STXBP2: variants seen among roughly 807,000 people sequenced by gnomAD.
The protein encoded by STXBP2 is syntaxin binding protein 2.
STXBP2 carries 47 observed loss-of-function variants against 72.2 expected under a neutral mutation model. The ratio of observed to expected loss-of-function variants is 0.65; its 90% CI spans 0.51 to 0.83. The LOEUF (loss-of-function observed/expected upper bound fraction) is 0.83, where lower values mean the gene tolerates loss of function less well. Ranked by LOEUF, STXBP2 falls within the 40% of genes least tolerant of loss-of-function variation. STXBP2 has a pLI of 0.00. For missense variants in STXBP2, 702 were observed against 807.6 expected (o/e 0.87, Z 1.58); for synonymous variants, 367 against 338.7 (o/e 1.08, Z -0.92).
chr19:7,640,557 T>G (rs2031822782), intron 4 of STXBP2, 174 bp from the exon 5 acceptor site: 2 of 754,070 alleles, frequency 2.7e-6, no homozygotes, highest in South Asian at 2.9e-5. Flanking sequence ...CGTGCATCTG[T>G]GTGTGTGCGC....
chr19:7,632,488 G>T (rs752525451), upstream of STXBP2: 2 of 1,613,626 alleles, frequency 1.2e-6, no homozygotes, highest in Middle Eastern at 1.6e-4. The surrounding 1 kb of genome is among the most constrained non-coding windows in gnomAD (Gnocchi z 5.2). Flanking sequence ...ATGTCCATGA[G>T]GCTGTCCATC....
rs116823179 is a variant in STXBP2 at position 7,647,079 on chromosome 19, C to T, written c.1453-83C>T. On this transcript the variant is annotated intron_variant, in intron 16 of 18. Coordinates refer to ENST00000221283, the MANE Select transcript of STXBP2 (RefSeq NM_006949.4). Reference sequence around the variant, plus strand: ...TGGTTCCTGTCTGCCAGGATCTTGGCCCCTGAATACCCCGTGGGGGGCACT... The same window carrying T: ...TGGTTCCTGTCTGCCAGGATCTTGGTCCCTGAATACCCCGTGGGGGGCACT... 1.6e-3 allele frequency: 2,293 copies of T among 1,439,528 alleles called. 28 individuals are homozygous for T. In the African/African-American group the frequency reaches 0.028, roughly 17 times the overall value. The allele number at this position is 1,439,528 out of a possible 1,614,324, so 89.2% of individuals were successfully genotyped here. A position where few individuals can be genotyped will look rare whatever the true frequency, so the allele number is the denominator to read the frequency against.
chr19:7,629,832 A>C, the STXBP2 span: 4 of 1,536,436 alleles, frequency 2.6e-6, no homozygotes, highest in African/African-American at 5.5e-5. Flanking sequence ...GGGAGAAACG[A>C]GATGGGGGTG....
chr19:7,641,933 G>A (rs2031900549), intron 7 of STXBP2, 80 bp downstream of exon 7: 6 of 1,533,744 alleles, frequency 3.9e-6, no homozygotes, highest in Non-Finnish European at 5.3e-6. Flanking sequence ...CCTCTCTTGT[G>A]ACCCCAGCCC....
chr19:7,630,251 TG>T, the STXBP2 span: 1 of 453,106 alleles, frequency 2.2e-6, no homozygotes, highest in Non-Finnish European at 3.9e-6. Flanking sequence ...GGTTTGGGGG[TG>T]CTCCCGGGAT....
At chr19:7,631,831 CA>C in the STXBP2 span, 1 of 1,382,128 alleles carries the variant, frequency 7.2e-7, no homozygotes. Context: ...AGGGGTCAGC[CA>C]GGGGGAGGGC....
In STXBP2 at chr19:7,647,746, C is replaced by T. The variant is rs768637937; in HGVS notation, c.1718C>T (p.Pro573Leu). Residue 573 changes from proline to leucine, a missense_variant, in exon 19 of 19, where the codon CCG becomes CTG. Pro to Leu is a moderately conservative substitution (Grantham distance 98, BLOSUM62 -3). Transcript: ENST00000221283. ...ACAGGCTCCTCACACATCCTCACCC[C>T]GACCCGCTTCCTGGATGACCTGAAG... The part of the protein sequence containing the change: ...VLIGSSHILT[P>L]TRFLDDLKAL... The T allele has an allele frequency of 7.4e-6, 12 of 1,614,014 alleles. No homozygotes were observed. The highest frequency in any genetic ancestry group is 3.3e-5 in the South Asian group (3 of 91,094).
chr19:7,639,633 C>A (rs1218391773), intron 3 of STXBP2, 98 bp from the exon 4 acceptor site: 4 of 1,119,578 alleles, frequency 3.6e-6, no homozygotes, highest in Non-Finnish European at 5.3e-6. Flanking sequence ...TAAGCATCCA[C>A]CCCTCCTCCC....
intron 7 of STXBP2, 23 bp downstream of exon 7, chr19:7,641,876 C>T: frequency 6.4e-7 from 1 of 1,552,658 alleles, no homozygotes; most frequent in Non-Finnish European, 8.7e-7. Context: ...CCCAGCCCCA[C>T]CCCGATGCCG....
upstream of STXBP2, chr19:7,633,089 T>C: frequency 1.7e-6 from 2 of 1,196,676 alleles, no homozygotes; most frequent in Non-Finnish European, 2.3e-6. Flanking sequence ...CAGGCTCCGA[T>C]GCGTGTCCCG....
At chr19:7,641,400 G>C (rs1023715684) in intron 6 of STXBP2, among the ~76,000 whole-genome samples, 1 of 152,220 alleles carries the variant, frequency 6.6e-6, no homozygotes, top group Middle Eastern at 3.4e-3. Flanking sequence ...ATTTTAAAAA[G>C]GGGAGGTACC....
the STXBP2 span, chr19:7,630,025 T>C: frequency 1.7e-6 from 1 of 585,010 alleles, no homozygotes; most frequent in Non-Finnish European, 2.4e-6. Flanking sequence ...GAGGGGACGC[T>C]GGGCTGGGGG....
upstream of STXBP2, among the ~76,000 whole-genome samples, chr19:7,635,514 G>A (rs903048175): frequency 5.9e-5 from 9 of 152,088 alleles, no homozygotes; most frequent in Non-Finnish European, 1.2e-4. Flanking sequence ...GGGCAACATA[G>A]GGAGATCCTG....
In STXBP2 at chr19:7,647,687, C is replaced by T. The variant is rs977302290; in HGVS notation, c.1697-38C>T. Reference sequence around the variant, plus strand: ...GAGCCTGTCAAAGACGAAGGCAGCGCCCCCCAACATCTTCCCCAAACCTCT... The same window carrying T: ...GAGCCTGTCAAAGACGAAGGCAGCGTCCCCCAACATCTTCCCCAAACCTCT... On this transcript the variant is annotated intron_variant, in intron 18 of 18. Coordinates refer to ENST00000221283, the MANE Select transcript of STXBP2 (RefSeq NM_006949.4). The T allele has an allele frequency of 2.4e-5, 39 of 1,609,242 alleles. No individual in the cohort carries two copies. In the African/African-American group the frequency reaches 4.9e-4, roughly 20 times the overall value.
intron 6 of STXBP2, 82 bp downstream of exon 6, chr19:7,641,085 C>T: frequency 6.9e-7 from 1 of 1,441,568 alleles, no homozygotes; most frequent in Non-Finnish European, 9.6e-7. Flanking sequence ...GACACTGAGG[C>T]TGGGCGCAGT....
upstream of STXBP2, chr19:7,632,563 G>A (rs752473935): frequency 1.2e-6 from 2 of 1,605,530 alleles, no homozygotes; most frequent in Admixed American, 1.7e-5. This position sits in a 1 kb window ranked among gnomAD's most constrained non-coding sequence, Gnocchi z 5.2. Context: ...CGGAGTGGGG[G>A]CCCCCAACCC....
At chr19:7,646,421 T>C in intron 16 of STXBP2, 77 bp downstream of exon 16, 1 of 1,319,220 alleles carries the variant, frequency 7.6e-7, no homozygotes, top group Non-Finnish European at 1.1e-6. Context: ...GCTGAGGTGC[T>C]AAGCCTCAGG....
upstream of STXBP2, chr19:7,633,104 C>T: frequency 9.0e-7 from 1 of 1,109,084 alleles, no homozygotes; most frequent in Non-Finnish European, 1.2e-6. Flanking sequence ...GTCCCGCCGT[C>T]CTAGATTGGG....
At chr19:7,633,569 C>A, upstream of STXBP2, 1 of 999,268 alleles carries the variant, frequency 1.0e-6, no homozygotes, top group South Asian at 1.5e-5. Context: ...CCCCAAATCC[C>A]CAGCTCATGC....
Sources: allele counts gnomAD v4.1 joint callset (sites outside exome capture counted in the v4.1 genomes callset), GRCh38; gene constraint gnomAD v4.1.1; non-coding constraint Gnocchi (gnomAD v3.1); transcripts MANE v1.5; gene names NCBI Gene and HGNC (gene_info 2026-07-23, HGNC 2026-07-21).